The following CLCN3 variants were observed in gnomAD, a reference collection of about 807,000 sequenced individuals.
CLCN3 encodes the protein H(+)/Cl(-) exchange transporter 3.
Under a neutral mutation model 83.4 loss-of-function variants are expected in CLCN3, and 16 were observed. The observed-to-expected ratio is 0.19, with a 90% CI of 0.13 to 0.29. CLCN3 has a LOEUF of 0.29. Among genes scored for constraint, CLCN3 ranks in the 10% least tolerant of loss-of-function variants. The probability of loss-of-function intolerance (pLI) is 1.00; values close to 1 mark genes in which losing one functional copy is unlikely to be tolerated. For synonymous variants in CLCN3, 322 were observed against 346.2 expected, an observed-to-expected ratio of 0.93 and a Z score of 0.78; for missense variants, 544 against 1,006.0, an observed-to-expected ratio of 0.54 and a Z score of 6.21.
chr4:169,675,859 G>A (rs565521531), intron 2 of CLCN3, among the ~76,000 whole-genome samples: 7 of 152,186 alleles, frequency 4.6e-5, no homozygotes, highest in African/African-American at 1.7e-4. Flanking sequence ...GGGCCTTTTG[G>A]TAACAGTTCA....
In CLCN3 at chr4:169,635,803, C is replaced by T. The variant is rs143082055; in HGVS notation, c.-16-110C>T. The T allele has an allele frequency of 3.3e-4, 249 of 752,376 alleles. No homozygotes were observed. In the African/African-American group the frequency reaches 3.4e-3, roughly 10 times the overall value. The allele number at this position is 752,376 out of a possible 1,614,324, so 46.6% of individuals were successfully genotyped here. On this transcript the variant is annotated intron_variant, in intron 1 of 12. Transcript: ENST00000513761. ...AAGGTAACTATTGTTACAGTGAATA[C>T]GCTTAATTTTTTTTAGCACATAGAT...
chr4:169,711,539 A>T (rs770127794), intron 11 of CLCN3, among the ~76,000 whole-genome samples: 4 of 152,086 alleles, frequency 2.6e-5, no homozygotes, highest in Non-Finnish European at 4.4e-5. Context: ...TAGTAGAGAC[A>T]GGGTTTCACC....
chr4:169,629,583 C>G (rs1773318751), intron 1 of CLCN3, among the ~76,000 whole-genome samples: 4 of 152,114 alleles, frequency 2.6e-5, no homozygotes, highest in Non-Finnish European at 1.5e-5. Flanking sequence ...GTTGGCCATG[C>G]TGGTCTTGAA....
intron 2 of CLCN3, chr4:169,663,004 T>G (rs375500828): frequency 1.3e-5 from 2 of 152,108 alleles, no homozygotes; most frequent in East Asian, 3.8e-4. Context: ...AGGTCAAATT[T>G]CTTTCTTCTA....
In CLCN3 at chr4:169,697,161, A is replaced by AT. The variant is rs761462440; in HGVS notation, c.1018-23dup. On this transcript the variant is annotated intron_variant, in intron 8 of 12. Coordinates refer to ENST00000513761, the MANE Select transcript of CLCN3 (RefSeq NM_001829.4). ...AACATCTTATAAAATTATAGCATTA[A>AT]TTTTTCTTTTCCTTTTCTTTTTTTT... The AT allele has an allele frequency of 5.5e-6, 8 of 1,454,288 alleles. No individual in the cohort carries two copies. The African/African-American group carries it at 1.1e-4, about 21-fold the overall frequency. The allele number at this position is 1,454,288 out of a possible 1,614,324, so 90.1% of individuals were successfully genotyped here.
chr4:169,681,363 A>G (rs1197667012), intron 3 of CLCN3, among the ~76,000 whole-genome samples: 1 of 152,192 alleles, frequency 6.6e-6, no homozygotes, highest in Non-Finnish European at 1.5e-5. Context: ...GCCCTATATA[A>G]TTTTGGTGTT....
chr4:169,684,790 A>C (rs115233053), intron 3 of CLCN3, among the ~76,000 whole-genome samples: 250 of 152,290 alleles, frequency 1.6e-3, no homozygotes, highest in Non-Finnish European at 3.0e-3. Context: ...CCTTTAAGTC[A>C]TGCCAAAAAT....
chr4:169,647,636 G>C (rs553640616), intron 2 of CLCN3, among the ~76,000 whole-genome samples: 2 of 152,230 alleles, frequency 1.3e-5, no homozygotes, highest in South Asian at 4.1e-4. Flanking sequence ...AAATAATGTA[G>C]CATGAATTAT....
chr4:169,624,441 G>A (rs1034292604), intron 1 of CLCN3, among the ~76,000 whole-genome samples: 3 of 152,032 alleles, frequency 2.0e-5, no homozygotes, highest in African/African-American at 7.3e-5. Context: ...GCCAATTTTT[G>A]TATTTTTAGT....
chr4:169,636,359 A>C (rs1456136595), intron 2 of CLCN3, among the ~76,000 whole-genome samples: 2 of 152,202 alleles, frequency 1.3e-5, no homozygotes, highest in Non-Finnish European at 2.9e-5. Context: ...ATATAATGTA[A>C]TACAGAGAGG....
intron 1 of CLCN3, among the ~76,000 whole-genome samples, chr4:169,632,969 A>G (rs1042584958): frequency 2.0e-5 from 3 of 152,134 alleles, no homozygotes; most frequent in African/African-American, 7.2e-5. Flanking sequence ...TTATTAGGTA[A>G]ACGAGGCCTT....
At chr4:169,698,484 T>C (rs1301223874) in intron 9 of CLCN3, among the ~76,000 whole-genome samples, 2 of 152,142 alleles carry the variant, frequency 1.3e-5, no homozygotes, top group African/African-American at 2.4e-5. Flanking sequence ...GGATTTCTTA[T>C]ATTATAGCTC....
intron 4 of CLCN3, among the ~76,000 whole-genome samples, chr4:169,688,469 A>G (rs1732244541): frequency 6.6e-6 from 1 of 152,226 alleles, no homozygotes; most frequent in Non-Finnish European, 1.5e-5. Flanking sequence ...TAAAGTACTG[A>G]TAATTCTAAT....
intron 2 of CLCN3, among the ~76,000 whole-genome samples, chr4:169,646,708 A>G (rs1730584432): frequency 6.6e-6 from 1 of 152,176 alleles, no homozygotes; most frequent in African/African-American, 2.4e-5. Flanking sequence ...TATATTGTTA[A>G]ACTGTATTGC....
Position 169,719,336 on chromosome 4 carries a change from A to G in CLCN3, c.2367-571A>G, listed in dbSNP as rs1733545780. ...TTGGGGCATGGTGGCACATGCCTGT[A>G]ATCCCAGCTACTTGGGAAGCTGAGG... On this transcript the variant is annotated intron_variant, in intron 12 of 12. Transcript: ENST00000513761. Among the ~76,000 whole-genome samples, 3 of 152,154 alleles carry G rather than the reference A, an allele frequency of 2.0e-5. No homozygotes were observed. In the South Asian group the frequency reaches 6.2e-4, roughly 32 times the overall value.
intron 2 of CLCN3, among the ~76,000 whole-genome samples, chr4:169,639,646 G>A (rs1259803811): frequency 6.6e-6 from 1 of 152,176 alleles, no homozygotes; most frequent in Non-Finnish European, 1.5e-5. Context: ...GTAGCAGGGA[G>A]GGGAATGTCT....
rs757347793 is a variant in CLCN3 at position 169,692,356 on chromosome 4, A to G, written c.936+36A>G. 4 of 1,021,870 alleles carry G rather than the reference A, an allele frequency of 3.9e-6. No individual in the cohort carries two copies. In the East Asian group the frequency reaches 7.7e-5, roughly 20 times the overall value. The allele number at this position is 1,021,870 out of a possible 1,614,324, so 63.3% of individuals were successfully genotyped here. A position where few individuals can be genotyped will look rare whatever the true frequency, so the allele number is the denominator to read the frequency against. The stretch of plus-strand genomic sequence containing the variant: ...TTTGTAGTTAATTTGACTGAAAAAT[A>G]TATATTATATAGTATTTATTTAAGT... On this transcript the variant is annotated intron_variant, in intron 7 of 12. Coordinates refer to ENST00000513761, the MANE Select transcript of CLCN3 (RefSeq NM_001829.4).
chr4:169,656,245 G>T (rs1193756528), intron 2 of CLCN3, among the ~76,000 whole-genome samples: 5 of 152,282 alleles, frequency 3.3e-5, no homozygotes, highest in African/African-American at 9.6e-5. Context: ...GATGTAATTG[G>T]CTCACAGTTC....
intron 12 of CLCN3, among the ~76,000 whole-genome samples, chr4:169,719,696 C>CAT: frequency 1.3e-5 from 2 of 152,216 alleles, no homozygotes; most frequent in South Asian, 4.2e-4. Flanking sequence ...GAAAGGCTGT[C>CAT]ATACTATTAG....
Sources: allele counts gnomAD v4.1 joint callset (sites outside exome capture counted in the v4.1 genomes callset), GRCh38; gene constraint gnomAD v4.1.1; transcripts MANE v1.5; gene names NCBI Gene and HGNC (gene_info 2026-07-23, HGNC 2026-07-21).